Variants in DENND5B observed in about 807,000 individuals in gnomAD.
DENND5B encodes DENN domain-containing protein 5B.
Under a neutral mutation model 140.6 loss-of-function variants are expected in DENND5B, and 34 were observed. The ratio of observed to expected loss-of-function variants is 0.24; its 90% confidence interval spans 0.18 to 0.32. DENND5B has a LOEUF of 0.32. Among genes scored for constraint, DENND5B ranks in the 10% least tolerant of loss-of-function variants. DENND5B has a pLI of 1.00. For synonymous variants in DENND5B, 551 were observed against 562.1 expected (o/e 0.98, Z 0.28); for missense variants, 1,142 against 1,560.2 (o/e 0.73, Z 4.52).
intron 2 of DENND5B, among the ~76,000 whole-genome samples, chr12:31,480,599 CT>C (rs1946031140): frequency 6.6e-6 from 1 of 152,128 alleles, no homozygotes; most frequent in Admixed American, 6.6e-5. Context: ...GCCTCAGTTC[CT>C]TTATCTACAA....
chr12:31,588,672 A>G (rs1253999199), intron 1 of DENND5B, among the ~76,000 whole-genome samples: 1 of 152,146 alleles, frequency 6.6e-6, no homozygotes, highest in Non-Finnish European at 1.5e-5. Context: ...GCATCCGAGG[A>G]TTTTGGTGTG....
intron 1 of DENND5B, among the ~76,000 whole-genome samples, chr12:31,555,367 C>T (rs1246593281): frequency 5.3e-5 from 8 of 152,010 alleles, no homozygotes; most frequent in South Asian, 2.1e-4. Context: ...TGCAGAACAG[C>T]GGATATTGGT....
At chr12:31,546,850 T>A (rs1458628811) in intron 1 of DENND5B, among the ~76,000 whole-genome samples, 1 of 152,232 alleles carries the variant, frequency 6.6e-6, no homozygotes, top group Admixed American at 6.5e-5. Flanking sequence ...ATTTGTTTGA[T>A]ACATTCGACA....
chr12:31,389,208 TA>T (rs1247813556), intron 20 of DENND5B, 115 bp downstream of exon 20: 2 of 1,011,578 alleles, frequency 2.0e-6, no homozygotes, highest in Non-Finnish European at 2.7e-6. Flanking sequence ...AAAGAAAAAG[TA>T]AAAGGAAAGA....
At chr12:31,399,846 G>A (rs1189766990) in intron 15 of DENND5B, 74 bp from the exon 16 acceptor site, 2 of 1,151,118 alleles carry the variant, frequency 1.7e-6, no homozygotes, top group African/African-American at 3.1e-5. Context: ...AGGTACTTTG[G>A]TTCCGTCTAA....
chr12:31,457,807 G>T (rs1170110429), intron 4 of DENND5B, among the ~76,000 whole-genome samples: 2 of 151,640 alleles, frequency 1.3e-5, no homozygotes, highest in Non-Finnish European at 2.9e-5. Flanking sequence ...TCCGCCTCCC[G>T]GGTTCATGCC....
chr12:31,482,537 TA>T (rs552379957), intron 2 of DENND5B, among the ~76,000 whole-genome samples: 10 of 152,208 alleles, frequency 6.6e-5, no homozygotes. Flanking sequence ...TTATCAATTC[TA>T]TCTTCAAAAA....
At chr12:31,529,895 C>T (rs540607714) in intron 1 of DENND5B, among the ~76,000 whole-genome samples, 121 of 152,236 alleles carry the variant, frequency 7.9e-4, no homozygotes, top group African/African-American at 2.4e-3. Context: ...CCCAAAAATG[C>T]ACTTAGCACA....
intron 1 of DENND5B, among the ~76,000 whole-genome samples, chr12:31,559,234 C>G (rs187499290): frequency 3.9e-5 from 6 of 152,288 alleles, no homozygotes; most frequent in Admixed American, 3.9e-4. Context: ...TTAAGCTACC[C>G]TCCCTAAGTT....
chr12:31,396,180 C>T (rs1253214193), intron 17 of DENND5B, among the ~76,000 whole-genome samples: 2 of 150,796 alleles, frequency 1.3e-5, no homozygotes, highest in East Asian at 3.9e-4. Context: ...AGCAATTCTC[C>T]TGTCTCAGCC....
At chr12:31,482,196 T>C (rs1946095940) in intron 2 of DENND5B, among the ~76,000 whole-genome samples, 2 of 152,194 alleles carry the variant, frequency 1.3e-5, no homozygotes, top group Admixed American at 1.3e-4. Flanking sequence ...TTGTGCCACA[T>C]TTTGGGTTTC....
chr12:31,463,609 T>G (rs941910751), intron 3 of DENND5B, among the ~76,000 whole-genome samples: 1 of 152,236 alleles, frequency 6.6e-6, no homozygotes, highest in Non-Finnish European at 1.5e-5. Context: ...CTATGTCTAT[T>G]CTTCTTTCCA....
intron 1 of DENND5B, among the ~76,000 whole-genome samples, chr12:31,568,116 T>C (rs562859700): frequency 6.6e-6 from 1 of 152,336 alleles, no homozygotes; most frequent in African/African-American, 2.4e-5. Context: ...CTGAAATTTT[T>C]TGACTGCTAA....
At chr12:31,522,021 T>A (rs76952346) in intron 1 of DENND5B, among the ~76,000 whole-genome samples, 2,551 of 152,268 alleles carry the variant, frequency 0.017, 72 homozygotes, top group African/African-American at 0.058. Flanking sequence ...CTTCCTCTTC[T>A]CTCTCATGTT....
chr12:31,458,982 G>A (rs971087849), intron 4 of DENND5B, among the ~76,000 whole-genome samples: 3 of 152,148 alleles, frequency 2.0e-5, no homozygotes, highest in Non-Finnish European at 4.4e-5. Context: ...GGAGGCCGGG[G>A]CGGGCAGATC....
intron 2 of DENND5B, among the ~76,000 whole-genome samples, chr12:31,491,623 C>T (rs980100674): frequency 6.6e-6 from 1 of 152,020 alleles, no homozygotes; most frequent in Non-Finnish European, 1.5e-5. Flanking sequence ...TATGTTAGTT[C>T]TAGGTGATTA....
chr12:31,516,574 A>G (rs928235953), intron 1 of DENND5B, among the ~76,000 whole-genome samples: 1 of 151,570 alleles, frequency 6.6e-6, no homozygotes, highest in Non-Finnish European at 1.5e-5. Flanking sequence ...AGCTTTCATC[A>G]TTGATGATAG....
intron 3 of DENND5B, among the ~76,000 whole-genome samples, chr12:31,469,607 T>C (rs913346446): frequency 6.6e-6 from 1 of 152,148 alleles, no homozygotes; most frequent in Non-Finnish European, 1.5e-5. Flanking sequence ...GGGGAACCCC[T>C]GATTTTGTAG....
intron 1 of DENND5B, among the ~76,000 whole-genome samples, chr12:31,589,441 T>C (rs1950522216): frequency 6.6e-6 from 1 of 152,210 alleles, no homozygotes; most frequent in East Asian, 1.9e-4. Flanking sequence ...TGTTTTGTGT[T>C]TCTACCTCCG....
Sources: allele counts gnomAD v4.1 joint callset (sites outside exome capture counted in the v4.1 genomes callset), GRCh38; gene constraint gnomAD v4.1.1; transcripts MANE v1.5; gene names NCBI Gene and HGNC (gene_info 2026-07-23, HGNC 2026-07-21).